Variants in RPS6KA2 observed in about 807,000 individuals in gnomAD.
The protein encoded by RPS6KA2 is ribosomal protein S6 kinase alpha-2.
In RPS6KA2, 42 loss-of-function variants were observed where a neutral mutation model predicts 91.8. The ratio of observed to expected loss-of-function variants is 0.46; its 90% CI spans 0.36 to 0.59. The LOEUF (loss-of-function observed/expected upper bound fraction) is 0.59, where lower values mean the gene tolerates loss of function less well. Ranked by LOEUF, RPS6KA2 falls within the 20% of genes least tolerant of loss-of-function variation. RPS6KA2 has a pLI of 0.00. For missense variants in RPS6KA2, 798 were observed against 978.5 expected, an observed-to-expected ratio of 0.82 and a Z score of 2.46; for synonymous variants, 414 against 393.6, an observed-to-expected ratio of 1.05 and a Z score of -0.61.
At chr6:166,574,220 T>C (rs1021004450) in intron 1 of RPS6KA2, among the ~76,000 whole-genome samples, 2 of 152,220 alleles carry the variant, frequency 1.3e-5, no homozygotes, top group Non-Finnish European at 2.9e-5. Context: ...CGTGGGTCTA[T>C]TGCATGACGC....
At chr6:166,718,648 G>A (rs12660333) in intron 2 of RPS6KA2, among the ~76,000 whole-genome samples, 36,078 of 152,082 alleles carry the variant, frequency 0.24, 4,613 homozygotes, top group African/African-American at 0.34. Context: ...ATGAGGACAT[G>A]CACCCGAGAA....
intron 2 of RPS6KA2, among the ~76,000 whole-genome samples, chr6:166,688,014 G>T (rs973163668): frequency 1.3e-5 from 2 of 152,146 alleles, no homozygotes; most frequent in African/African-American, 4.8e-5. Context: ...GGGCTGCTCT[G>T]CATGACACAG....
chr6:166,577,888 T>C (rs1225862116), intron 1 of RPS6KA2, among the ~76,000 whole-genome samples: 2 of 152,162 alleles, frequency 1.3e-5, no homozygotes, highest in African/African-American at 4.8e-5. Flanking sequence ...TTCCCTTGTG[T>C]TGGGAGAGGG....
chr6:166,592,692 C>T (rs1018177239), intron 1 of RPS6KA2, among the ~76,000 whole-genome samples: 1 of 74 alleles, frequency 0.014, no homozygotes. Flanking sequence ...TGTACTACAG[C>T]GCTTCACTTC....
chr6:166,708,022 GCA>G (rs1246381537), intron 2 of RPS6KA2, among the ~76,000 whole-genome samples: 2 of 152,156 alleles, frequency 1.3e-5, no homozygotes, highest in African/African-American at 4.8e-5. Flanking sequence ...GAGATTACAG[GCA>G]TGAGCCACCA....
chr6:166,817,848 G>A (rs1021308031), intron 2 of RPS6KA2, among the ~76,000 whole-genome samples: 2 of 151,480 alleles, frequency 1.3e-5, no homozygotes, highest in Non-Finnish European at 2.9e-5. Flanking sequence ...TCAGCCTCCC[G>A]AGTAGCTGGG....
intron 10 of RPS6KA2, among the ~76,000 whole-genome samples, chr6:166,480,514 T>TATATATATATATAAAA (rs1554279395): frequency 9.0e-6 from 1 of 110,764 alleles, no homozygotes; most frequent in Non-Finnish European, 1.8e-5. Flanking sequence ...TATATATATA[T>TATATATATATATAAAA]AATATATTTT....
chr6:166,860,355 C>T (rs866168260), intron 1 of RPS6KA2, among the ~76,000 whole-genome samples: 1 of 152,308 alleles, frequency 6.6e-6, no homozygotes, highest in Middle Eastern at 3.4e-3. Context: ...AAACCTTTAC[C>T]ATCTGCCCTC....
intron 1 of RPS6KA2, among the ~76,000 whole-genome samples, chr6:166,592,745 A>G (rs1196856096): frequency 6.6e-6 from 1 of 152,162 alleles, no homozygotes; most frequent in East Asian, 1.9e-4. Flanking sequence ...CTGCCCTTAC[A>G]TTCTACAGGG....
rs1008676823 is a variant in RPS6KA2, at chr6:166,413,838, G to A, written c.2032C>T (p.Leu678=). The A allele has an allele frequency of 1.2e-6, 2 of 1,614,204 alleles. No homozygotes were observed. The highest frequency in any genetic ancestry group is 2.2e-5 in the South Asian group (2 of 91,086). The change falls in exon 20 of 21, where the codon CTG becomes TTG. Residue 678 remains leucine, a synonymous_variant. Transcript: ENST00000265678. The part of the protein sequence containing the change: ...KHPWVVNREY[L]SPNQLSRQDV... ...TGTCGGCTGAGCTGGTTTGGGGACA[G>A]GTACTCTCTGTTGACCACCCACGGG...
In RPS6KA2 at chr6:166,412,645, G is replaced by A. The variant is rs1301300624; in HGVS notation, c.*117C>T. ...AAGAAAACACGGACACGGCGAGGGC[G>A]GGCGCCGCCTCCCTGCTGGACTTGT... On this transcript the variant is annotated 3_prime_UTR_variant, in exon 21 of 21. Transcript: ENST00000265678. The surrounding 1 kb of genome is among the most constrained non-coding windows in gnomAD (Gnocchi z 4.3). The A allele has an allele frequency of 9.6e-6, 10 of 1,042,100 alleles. No individual in the cohort carries two copies. In the South Asian group the frequency reaches 1.0e-4, roughly 11 times the overall value. 64.6% of individuals were successfully genotyped at this position (1,042,100 alleles called of 1,614,324 possible).
chr6:166,498,795 A>C, intron 7 of RPS6KA2, 145 bp from the exon 8 acceptor site: 1 of 1,062,016 alleles, frequency 9.4e-7, no homozygotes, highest in Non-Finnish European at 1.4e-6. Flanking sequence ...AAGCGGGACC[A>C]TGTGAGTGCT....
Position 166,487,108 on chromosome 6 carries a change from C to T in RPS6KA2, c.907+1725G>A, listed in dbSNP as rs573662614. ...ACACCGTTTATTTGTACCCCTTTTA[C>T]GCAGGTATGGCTATTTCTGTTGGAG... On this transcript the variant is annotated intron_variant, in intron 10 of 20. Coordinates refer to ENST00000265678, the MANE Select transcript of RPS6KA2 (RefSeq NM_021135.6). 2.7e-4 allele frequency among the ~76,000 whole-genome samples: 41 copies of T among 152,342 alleles called. No homozygotes were observed. In the South Asian group the frequency reaches 4.3e-3, roughly 16 times the overall value.
intron 1 of RPS6KA2, among the ~76,000 whole-genome samples, chr6:166,550,355 C>A (rs1256379359): frequency 6.6e-6 from 1 of 151,454 alleles, no homozygotes; most frequent in Admixed American, 6.6e-5. Context: ...TAAGATCAAA[C>A]AACTTGCTGC....
chr6:166,478,816 G>T (rs989349475), intron 10 of RPS6KA2, among the ~76,000 whole-genome samples: 2 of 152,166 alleles, frequency 1.3e-5, no homozygotes, highest in African/African-American at 4.8e-5. Context: ...ACCCATTACA[G>T]TGCTTCCCAC....
chr6:166,682,822 A>G (rs1788873713), intron 2 of RPS6KA2, among the ~76,000 whole-genome samples: 1 of 152,192 alleles, frequency 6.6e-6, no homozygotes, highest in South Asian at 2.1e-4. Flanking sequence ...CAGTAAAGAG[A>G]CAACCCATGC....
intron 5 of RPS6KA2, among the ~76,000 whole-genome samples, chr6:166,506,695 G>GC (rs1488404614): frequency 6.6e-6 from 1 of 152,140 alleles, no homozygotes; most frequent in African/African-American, 2.4e-5. Context: ...GACCCTTTGC[G>GC]CCCGATTCAG....
At chr6:166,765,921 G>A (rs1013261428) in intron 2 of RPS6KA2, among the ~76,000 whole-genome samples, 1 of 152,292 alleles carries the variant, frequency 6.6e-6, no homozygotes, top group South Asian at 2.1e-4. Context: ...CTCCCTTCAC[G>A]CTGACACAGT....
chr6:166,772,263 C>T lies in RPS6KA2; in HGVS notation c.123+85937G>A, dbSNP rs116715054. 6.7e-3 allele frequency among the ~76,000 whole-genome samples: 1,024 copies of T among 151,912 alleles called. 8 individuals are homozygous for T. The highest frequency in any genetic ancestry group is 0.021 in the African/African-American group (888 of 41,430). ...ATGACCCCACCCCCCAGCCCCCCCACCACTGGGAGAAAGGCCCTAGCAGGG... is the reference window on the plus strand; with the variant it reads ...ATGACCCCACCCCCCAGCCCCCCCATCACTGGGAGAAAGGCCCTAGCAGGG... On this transcript the variant is annotated intron_variant, in intron 2 of 21. Coordinates refer to the RPS6KA2 transcript ENST00000503859.
Sources: gnomAD v4.1 joint callset for allele counts (sites outside exome capture counted in the v4.1 genomes callset) on GRCh38, gnomAD v4.1.1 for gene constraint, Gnocchi (gnomAD v3.1) non-coding constraint, MANE v1.5 for transcripts, NCBI Gene and HGNC (gene_info 2026-07-23, HGNC 2026-07-21) for gene names.